Variants in KANSL1L observed in about 807,000 individuals in gnomAD.
KANSL1L encodes KAT8 regulatory NSL complex subunit 1 like, also known as KAT8 regulatory NSL complex subunit 1-like protein.
Under a neutral mutation model 108.6 loss-of-function variants are expected in KANSL1L, and 25 were observed. The ratio of observed to expected loss-of-function variants is 0.23; its 90% CI spans 0.17 to 0.32. KANSL1L has a LOEUF of 0.32. KANSL1L is among the 10% of genes least tolerant of loss of function. The pLI, the probability that KANSL1L is intolerant of heterozygous loss-of-function variation, is 1.00. For missense variants in KANSL1L, 1,137 were observed against 1,125.7 expected (o/e 1.01, Z -0.14); for synonymous variants, 405 against 395.1 (o/e 1.03, Z -0.30).
At chr2:210,032,681 A>G (rs941725911) in intron 8 of KANSL1L, 2 of 152,240 alleles carry the variant, frequency 1.3e-5, no homozygotes, top group African/African-American at 2.4e-5. Context: ...AATTAGTCTG[A>G]AAATTTCAAA....
intron 13 of KANSL1L, among the ~76,000 whole-genome samples, chr2:210,024,468 C>CT (rs1405694520): frequency 6.6e-6 from 1 of 151,946 alleles, no homozygotes; most frequent in African/African-American, 2.4e-5. Context: ...TGTCTTTTGT[C>CT]TGACTAATTA....
chr2:210,058,793 C>T (rs1435542968), intron 6 of KANSL1L, among the ~76,000 whole-genome samples: 5 of 148,216 alleles, frequency 3.4e-5, no homozygotes, highest in East Asian at 2.0e-4. Flanking sequence ...GCTGAGATCG[C>T]GCCACTGCAC....
chr2:210,128,531 T>C (rs1472719365), intron 3 of KANSL1L, among the ~76,000 whole-genome samples: 1 of 152,198 alleles, frequency 6.6e-6, no homozygotes, highest in African/African-American at 2.4e-5. Flanking sequence ...ATTCTGCTCA[T>C]ATGAGGTACT....
Position 210,066,236 on chromosome 2 carries a change from C to G in KANSL1L, c.1755+9316G>C, listed in dbSNP as rs145730670. 2.5e-3 allele frequency among the ~76,000 whole-genome samples: 379 copies of G among 152,300 alleles called. 1 individual carries two copies. Among genetic ancestry groups the G allele is most frequent in the African/African-American group, 8.9e-3 (368 of 41,572 alleles). On this transcript the variant is annotated intron_variant, in intron 6 of 14. Transcript: ENST00000281772. ...AGAGAGTGAAGGAAGCCCAGCTATT[C>G]CAGCCCATCCAAGCATCCAGATGGC...
chr2:210,093,711 A>T (rs1206988223), intron 5 of KANSL1L, among the ~76,000 whole-genome samples: 2 of 152,180 alleles, frequency 1.3e-5, no homozygotes, highest in Non-Finnish European at 2.9e-5. Flanking sequence ...TTATCACATA[A>T]TCCAGCAATT....
At chr2:210,147,192 C>T (rs924175922) in intron 2 of KANSL1L, among the ~76,000 whole-genome samples, 9 of 152,166 alleles carry the variant, frequency 5.9e-5, no homozygotes, top group Admixed American at 4.6e-4. Flanking sequence ...TGGGCATGGT[C>T]GCTCATGCTG....
chr2:210,024,346 CTATT>C (rs1454372548), intron 13 of KANSL1L, 145 bp from the exon 14 acceptor site: 24 of 481,230 alleles, frequency 5.0e-5, no homozygotes, highest in Non-Finnish European at 7.3e-6. Flanking sequence ...TCCCCTGGTG[CTATT>C]TATTATTTTC....
At chr2:210,163,255 G>T in intron 1 of KANSL1L, among the ~76,000 whole-genome samples, 1 of 151,964 alleles carries the variant, frequency 6.6e-6, no homozygotes, top group East Asian at 1.9e-4. Context: ...GGCCTCTAAT[G>T]GAAAAAACAG....
At chr2:210,088,730 T>C (rs2094663402) in intron 5 of KANSL1L, 1 of 152,350 alleles carries the variant, frequency 6.6e-6, no homozygotes, top group Admixed American at 6.5e-5. Context: ...TGTAACTGGA[T>C]CTCTGGTCCT....
At chr2:210,168,159 A>G (rs1370957697) in intron 1 of KANSL1L, among the ~76,000 whole-genome samples, 1 of 152,074 alleles carries the variant, frequency 6.6e-6, no homozygotes, top group Non-Finnish European at 1.5e-5. Context: ...TAAAATTAGT[A>G]AATTAGTTGC....
Position 210,022,926 on chromosome 2 carries a change from T to C in KANSL1L, c.*23A>G. On this transcript the variant is annotated 3_prime_UTR_variant, in exon 15 of 15. Transcript: ENST00000281772. Reference sequence around the variant, plus strand: ...TCCTCCCATCTTTCCTACATTTACATAGTTTTCTTAACCTGTTCCCTGTCA... The same window carrying C: ...TCCTCCCATCTTTCCTACATTTACACAGTTTTCTTAACCTGTTCCCTGTCA... 1 of 1,509,646 alleles carries C rather than the reference T, an allele frequency of 6.6e-7. No individual in the cohort carries two copies. Among genetic ancestry groups the C allele is most frequent in the Middle Eastern group, 1.7e-4 (1 of 5,844 alleles). The allele number at this position is 1,509,646 out of a possible 1,614,324, so 93.5% of individuals were successfully genotyped here. A position where few individuals can be genotyped will look rare whatever the true frequency, so the allele number is the denominator to read the frequency against.
chr2:210,029,135 T>G (rs2093979514), intron 10 of KANSL1L, 166 bp from the exon 11 acceptor site: 1 of 544,132 alleles, frequency 1.8e-6, no homozygotes, highest in Non-Finnish European at 3.1e-6. Flanking sequence ...AAATAAAACA[T>G]TTTTCTATCT....
chr2:210,080,974 G>C (rs970760631), intron 5 of KANSL1L, among the ~76,000 whole-genome samples: 6 of 151,970 alleles, frequency 3.9e-5, no homozygotes, highest in African/African-American at 1.4e-4. Context: ...AGGCGTGGTG[G>C]TGCATGCCTG....
At chr2:210,062,822 CA>C (rs1330872754) in intron 6 of KANSL1L, among the ~76,000 whole-genome samples, 1 of 152,102 alleles carries the variant, frequency 6.6e-6, no homozygotes, top group Non-Finnish European at 1.5e-5. Flanking sequence ...AAAAGGGAAA[CA>C]GCATAAAATT....
At chr2:210,114,520 A>T (rs73063963) in intron 3 of KANSL1L, among the ~76,000 whole-genome samples, 2 of 152,182 alleles carry the variant, frequency 1.3e-5, no homozygotes, top group Non-Finnish European at 2.9e-5. Context: ...CTGTATGATG[A>T]AAGAAAAATC....
At chr2:210,147,233 G>A (rs547585359) in intron 2 of KANSL1L, among the ~76,000 whole-genome samples, 1 of 152,316 alleles carries the variant, frequency 6.6e-6, no homozygotes, top group Admixed American at 6.5e-5. Context: ...GCCAAGGCAG[G>A]AAGATAGCTT....
intron 5 of KANSL1L, 38 bp downstream of exon 5, chr2:210,098,048 G>A (rs753834115): frequency 2.6e-6 from 4 of 1,532,402 alleles, no homozygotes; most frequent in Non-Finnish European, 3.5e-6. Flanking sequence ...AATAGGCAAA[G>A]TTGAATTTAA....
At chr2:210,155,276 G>A (rs1389246486) in intron 1 of KANSL1L, 1 of 152,146 alleles carries the variant, frequency 6.6e-6, no homozygotes, top group Non-Finnish European at 1.5e-5. Context: ...GCCGGGCATG[G>A]TGGTGGGCAA....
chr2:210,169,773 T>C (rs1422924389), intron 1 of KANSL1L, among the ~76,000 whole-genome samples: 1 of 152,190 alleles, frequency 6.6e-6, no homozygotes, highest in Non-Finnish European at 1.5e-5. Flanking sequence ...AGATAATGGT[T>C]ACAACAGATT....
Sources: gnomAD v4.1 joint callset for allele counts (sites outside exome capture counted in the v4.1 genomes callset) on GRCh38, gnomAD v4.1.1 for gene constraint, MANE v1.5 for transcripts, NCBI Gene and HGNC (gene_info 2026-07-23, HGNC 2026-07-21) for gene names.